RNF207: variants seen among roughly 807,000 people sequenced by gnomAD.
RNF207 encodes the protein OTTHUMG00000001089.
In RNF207, 72 loss-of-function variants were observed where a neutral mutation model predicts 79.0. That is an observed-to-expected ratio of 0.91 (90% CI 0.75 to 1.11). The LOEUF (loss-of-function observed/expected upper bound fraction) is 1.11, where lower values mean the gene tolerates loss of function less well. RNF207 is among the 50% of genes least tolerant of loss of function. RNF207 has a pLI of 0.00. For synonymous variants in RNF207, 348 were observed against 366.2 expected (o/e 0.95, Z 0.57); for missense variants, 936 against 855.8 (o/e 1.09, Z -1.17).
In RNF207 at chr1:6,209,193, A is replaced by G; in HGVS notation, c.548A>G (p.Gln183Arg). The change falls in exon 5 of 18, where the codon CAG becomes CGG. Residue 183 changes from glutamine (Q) to arginine (R), a missense_variant. Coordinates refer to ENST00000377939, the MANE Select transcript of RNF207 (RefSeq NM_207396.3). ...LLCIRCFRDM[Q>R]KESRAHCVDL... ...TGCATCCGCTGCTTCCGCGACATGC[A>G]GAAGTGCGTACAGGGGACGCGAGGG... The G allele has an allele frequency of 6.4e-7, 1 of 1,553,700 alleles. No homozygotes were observed. Among genetic ancestry groups the G allele is most frequent in the Non-Finnish European group, 8.7e-7 (1 of 1,148,304 alleles).
At position 6,221,223 on chromosome 1, in the gene RNF207, G is replaced by T. The variant is rs1485431256; in HGVS notation, c.*1816G>T. The T allele has an allele frequency of 6.6e-6, 1 of 152,562 alleles. No homozygotes were observed. Among genetic ancestry groups the T allele is most frequent in the Non-Finnish European group, 1.5e-5 (1 of 68,022 alleles). 9.5% of individuals were successfully genotyped at this position (152,562 alleles called of 1,614,324 possible). A position where few individuals can be genotyped will look rare whatever the true frequency, so the allele number is the denominator to read the frequency against. ...TGAAATCAAGTGCAGTTTTATTTAA[G>T]AACTGGAAAGAATAATCAGTATCTG... On this transcript the variant is annotated 3_prime_UTR_variant, in exon 18 of 18. Transcript: ENST00000377939.
intron 16 of RNF207, among the ~76,000 whole-genome samples, chr1:6,213,468 T>TAAAA (rs547886824): frequency 3.4e-5 from 4 of 119,244 alleles, no homozygotes; most frequent in Non-Finnish European, 1.8e-5. Context: ...GACCTTGTCT[T>TAAAA]AAAAAAAAAA....
Position 6,209,523 on chromosome 1 carries a change from T to C in RNF207, c.737T>C (p.Leu246Pro). ...AAEEEDAIHA[L>P]FGSMQDRLAE... The stretch of plus-strand genomic sequence containing the variant: ...GAGGAGGAGGACGCTATCCACGCCC[T>C]CTTCGGCAGCATGCAGGTGAGGGGT... Residue 246 changes from leucine to proline, a missense_variant, in exon 7 of 18, where the codon CTC (leucine) becomes CCC (proline). Physicochemically the swap from Leu to Pro is moderately conservative, Grantham distance 98 (BLOSUM62 -3). Transcript: ENST00000377939. The C allele has an allele frequency of 6.8e-7, 1 of 1,466,428 alleles. No individual in the cohort carries two copies. Among genetic ancestry groups the C allele is most frequent in the Non-Finnish European group, 8.9e-7 (1 of 1,117,362 alleles). The allele number at this position is 1,466,428 out of a possible 1,614,324, so 90.8% of individuals were successfully genotyped here. A position where few individuals can be genotyped will look rare whatever the true frequency, so the allele number is the denominator to read the frequency against.
chr1:6,212,925 T>C lies in RNF207; in HGVS notation c.1535-141T>C, dbSNP rs544457793. The C allele has an allele frequency of 5.8e-5, 44 of 763,616 alleles. 1 individual carries two copies. The South Asian group carries it at 6.7e-4, about 12-fold the overall frequency. The allele number at this position is 763,616 out of a possible 1,614,324, so 47.3% of individuals were successfully genotyped here. The stretch of plus-strand genomic sequence containing the variant: ...TGAGGTCAGGATTCATTGAGTAGAA[T>C]GCCCCCACCAAGTGCCTCCCTCTTT... On this transcript the variant is annotated intron_variant, in intron 15 of 17. Transcript: ENST00000377939.
intron 6 of RNF207, 29 bp downstream of exon 6, chr1:6,209,372 C>G (rs1668058929): frequency 2.0e-6 from 3 of 1,526,630 alleles, no homozygotes; most frequent in Non-Finnish European, 2.6e-6. Context: ...CGCGCGGGGC[C>G]GCGCGGCGGC....
At position 6,219,355 on chromosome 1, in the gene RNF207, C is replaced by G. The variant is rs1046126333; in HGVS notation, c.1853C>G (p.Ser618Cys). The change falls in exon 18 of 18, where the codon TCC becomes TGC. Residue 618 changes from serine to cysteine, a missense_variant. By Grantham distance (112) the Ser-to-Cys change is moderately radical. Transcript: ENST00000377939. ...PLLKNMDHHR[S>C]KQKNGGDVPT... ...CTGAAAAATATGGATCATCACAGATCCAAACAGAAAAATGGGGGCGATGTC... is the reference window on the plus strand; with the variant it reads ...CTGAAAAATATGGATCATCACAGATGCAAACAGAAAAATGGGGGCGATGTC... 1.9e-6 allele frequency: 3 copies of G among 1,612,500 alleles called. No individual in the cohort carries two copies. Among genetic ancestry groups the G allele is most frequent in the African/African-American group, 2.7e-5 (2 of 74,972 alleles).
rs1668171075 is a variant in RNF207, at chr1:6,211,668, T to C, written c.1110-199T>C. ...CTTGGCCCCACATCCTGGAACCCAC[T>C]CCAGGGACTTTAAAAAATAGATGTG... On this transcript the variant is annotated intron_variant, in intron 12 of 17. Transcript: ENST00000377939. This position sits in a 1 kb window ranked among gnomAD's most constrained non-coding sequence, Gnocchi z 4.2. Among the ~76,000 whole-genome samples, 1 of 152,162 alleles carries C rather than the reference T, an allele frequency of 6.6e-6. No homozygotes were observed. The highest frequency in any genetic ancestry group is 2.1e-4 in the South Asian group (1 of 4,832).
In RNF207 at chr1:6,220,223, C is replaced by T. The variant is rs1433762474; in HGVS notation, c.*816C>T. ...CCGTGTTTGCATGGCATGAAGTCTT[C>T]GTCCTTGTCACAGTAGCTTGGGATG... On this transcript the variant is annotated 3_prime_UTR_variant, in exon 18 of 18. Coordinates refer to ENST00000377939, the MANE Select transcript of RNF207 (RefSeq NM_207396.3). 6.6e-6 allele frequency: 1 copy of T among 152,196 alleles called. No individual in the cohort carries two copies. The highest frequency in any genetic ancestry group is 1.9e-4 in the East Asian group (1 of 5,186). The allele number at this position is 152,196 out of a possible 1,614,324, so 9.4% of individuals were successfully genotyped here. A position where few individuals can be genotyped will look rare whatever the true frequency, so the allele number is the denominator to read the frequency against.
intron 3 of RNF207, 181 bp from the exon 4 acceptor site, chr1:6,208,700 G>A: frequency 1.6e-6 from 1 of 607,422 alleles, no homozygotes. Context: ...GAGCCGCAGT[G>A]CCCTCCTCTG....
intron 5 of RNF207, 25 bp from the exon 6 acceptor site, chr1:6,209,243 G>A (rs774869826): frequency 3.2e-6 from 5 of 1,549,652 alleles, no homozygotes; most frequent in Non-Finnish European, 4.4e-6. Context: ...CCGCTGGAGC[G>A]GGCCTCACCC....
chr1:6,218,234 C>A, intron 16 of RNF207, 55 bp from the exon 17 acceptor site: 1 of 1,242,684 alleles, frequency 8.0e-7, no homozygotes, highest in Non-Finnish European at 1.2e-6. Context: ...GAGCTTAAGG[C>A]CGTGCAGCAG....
chr1:6,207,252 C>G lies in RNF207; in HGVS notation c.192-127C>G. The G allele has an allele frequency of 1.1e-6, 1 of 950,586 alleles. No homozygotes were observed. 58.9% of individuals were successfully genotyped at this position (950,586 alleles called of 1,614,324 possible). A position where few individuals can be genotyped will look rare whatever the true frequency, so the allele number is the denominator to read the frequency against. On this transcript the variant is annotated intron_variant, in intron 2 of 17. Transcript: ENST00000377939. This position sits in a 1 kb window ranked among gnomAD's most constrained non-coding sequence, Gnocchi z 4.5. The stretch of plus-strand genomic sequence containing the variant: ...GCTGGCTGTGATATTTATAGCAGAC[C>G]CCAGAGCTGTGGTGCACCCCACCTC...
Position 6,210,948 on chromosome 1 carries a change from G to T in RNF207, c.1011+10G>T. ...TATTCAGAGCAGCAAGGTGTGCAGT[G>T]GCCTGGGTGGGCCAGGGTCGGGGGC... On this transcript the variant is annotated intron_variant, in intron 11 of 17. Transcript: ENST00000377939. 6.2e-7 allele frequency: 1 copy of T among 1,602,234 alleles called. No individual in the cohort carries two copies. Among genetic ancestry groups the T allele is most frequent in the East Asian group, 2.3e-5 (1 of 44,410 alleles).
intron 17 of RNF207, 64 bp downstream of exon 17, chr1:6,218,433 CA>C: frequency 8.1e-7 from 1 of 1,238,078 alleles, no homozygotes; most frequent in Admixed American, 1.9e-5. Context: ...AACAGGACGA[CA>C]AAGGAAACTC....
intron 3 of RNF207, chr1:6,208,661 C>G (rs1024782506): frequency 1.5e-5 from 8 of 549,786 alleles, no homozygotes; most frequent in South Asian, 1.1e-4. Context: ...TCCCCCACCC[C>G]CCTCCACGGA....
chr1:6,220,560 A>G lies in RNF207; in HGVS notation c.*1153A>G, dbSNP rs1409473478. The G allele has an allele frequency of 2.0e-5, 3 of 152,224 alleles. No individual in the cohort carries two copies. Among genetic ancestry groups the G allele is most frequent in the Non-Finnish European group, 4.4e-5 (3 of 68,050 alleles). The allele number at this position is 152,224 out of a possible 1,614,324, so 9.4% of individuals were successfully genotyped here. ...TTTGCTCCAGCTTCTCTCCCTTTCC[A>G]GCAAGGGCAGAGCTCCTAAAGCCAG... On this transcript the variant is annotated 3_prime_UTR_variant, in exon 18 of 18. Transcript: ENST00000377939.
At position 6,209,948 on chromosome 1, in the gene RNF207, C is replaced by G; in HGVS notation, c.778C>G (p.Leu260Val). Reference sequence around the variant, plus strand: ...GGACAGGCTGGCAGAGAGGAAAGCGCTGCTGCTGCAGGCTGTGCAGAGGTG... The same window carrying G: ...GGACAGGCTGGCAGAGAGGAAAGCGGTGCTGCTGCAGGCTGTGCAGAGGTG... ...MQDRLAERKALLLQAVQSQYE... is the reference protein window; with the variant it reads ...MQDRLAERKAVLLQAVQSQYE... The change falls in exon 8 of 18, where the codon CTG (leucine) becomes GTG (valine). Residue 260 changes from leucine (L) to valine (V), a missense_variant. Leu to Val is a conservative substitution (Grantham distance 32). Coordinates refer to ENST00000377939, the MANE Select transcript of RNF207 (RefSeq NM_207396.3). 6.3e-7 allele frequency: 1 copy of G among 1,591,932 alleles called. No individual in the cohort carries two copies. The highest frequency in any genetic ancestry group is 8.6e-7 in the Non-Finnish European group (1 of 1,168,936).
intron 16 of RNF207, among the ~76,000 whole-genome samples, chr1:6,214,489 G>A (rs1008799330): frequency 2.6e-5 from 4 of 151,718 alleles, no homozygotes; most frequent in Non-Finnish European, 5.9e-5. Flanking sequence ...TGCAGCCTCC[G>A]CCTCCTGGGT....
chr1:6,218,402 C>G, intron 17 of RNF207, 33 bp downstream of exon 17: 1 of 1,493,636 alleles, frequency 6.7e-7, no homozygotes, highest in Non-Finnish European at 9.3e-7. Context: ...AGAGTGTGCA[C>G]GCGATGTGGC....
Sources: allele counts gnomAD v4.1 joint callset (sites outside exome capture counted in the v4.1 genomes callset), GRCh38; gene constraint gnomAD v4.1.1; non-coding constraint Gnocchi (gnomAD v3.1); transcripts MANE v1.5; gene names NCBI Gene and HGNC (gene_info 2026-07-23, HGNC 2026-07-21).